The following SLC24A2 variants were observed in gnomAD, a reference collection of about 807,000 sequenced individuals.
SLC24A2 encodes sodium/potassium/calcium exchanger 2.
SLC24A2 carries 36 observed loss-of-function variants against 62.0 expected under a neutral mutation model. That is an observed-to-expected ratio of 0.58 (90% CI 0.44 to 0.77). The LOEUF (loss-of-function observed/expected upper bound fraction) is 0.77, where lower values mean the gene tolerates loss of function less well. SLC24A2 is among the 30% of genes least tolerant of loss of function. SLC24A2 has a pLI of 0.00. For synonymous variants in SLC24A2, 358 were observed against 294.0 expected (o/e 1.22, Z -2.23); for missense variants, 846 against 817.9 (o/e 1.03, Z -0.42).
chr9:19,914,726 A>G, the SLC24A2 span, among the ~76,000 whole-genome samples: 2 of 152,010 alleles, frequency 1.3e-5, no homozygotes, highest in Non-Finnish European at 2.9e-5. Context: ...TCTCGTTTGA[A>G]CCATATAATG....
chr9:19,954,165 T>C, the SLC24A2 span, among the ~76,000 whole-genome samples: 343 of 152,260 alleles, frequency 2.3e-3, 7 homozygotes, highest in East Asian at 0.06. Flanking sequence ...TACATTTGTA[T>C]TTAAACATGA....
At chr9:20,107,507 A>G in the SLC24A2 span, among the ~76,000 whole-genome samples, 2,129 of 152,286 alleles carry the variant, frequency 0.014, 55 homozygotes, top group African/African-American at 0.049. Flanking sequence ...ATATAGATCA[A>G]TGGAACAGAA....
At chr9:19,580,537 AT>A (rs1211780380) in intron 5 of SLC24A2, among the ~76,000 whole-genome samples, 1 of 152,228 alleles carries the variant, frequency 6.6e-6, no homozygotes. Flanking sequence ...AGAACCTGTG[AT>A]TTTTGAAGTG....
rs1166809792 is a variant in SLC24A2 at position 19,512,967 on chromosome 9, T to C, written c.*3186A>G. 1.3e-5 allele frequency: 2 copies of C among 151,902 alleles called. No homozygotes were observed. Among genetic ancestry groups the C allele is most frequent in the East Asian group, 1.9e-4 (1 of 5,148 alleles). 9.4% of individuals were successfully genotyped at this position (151,902 alleles called of 1,614,324 possible). A position where few individuals can be genotyped will look rare whatever the true frequency, so the allele number is the denominator to read the frequency against. ...GTACATATGTGTATATTTGTAAATA[T>C]ATGTGCATGGAACAAACAACCTTAT... On this transcript the variant is annotated 3_prime_UTR_variant, in exon 11 of 11. Coordinates refer to ENST00000341998, the MANE Select transcript of SLC24A2 (RefSeq NM_020344.4).
chr9:20,257,662 G>C, the SLC24A2 span, among the ~76,000 whole-genome samples: 20 of 152,328 alleles, frequency 1.3e-4, no homozygotes, highest in Non-Finnish European at 2.8e-4. Context: ...AACTAGGCCA[G>C]TTTCCTTAAC....
the SLC24A2 span, among the ~76,000 whole-genome samples, chr9:20,217,853 G>A: frequency 6.6e-6 from 1 of 152,124 alleles, no homozygotes; most frequent in African/African-American, 2.4e-5. Flanking sequence ...GTTTGCTTTT[G>A]TATTGCTTTT....
At chr9:19,532,722 A>G (rs1387067629) in intron 8 of SLC24A2, among the ~76,000 whole-genome samples, 1 of 152,188 alleles carries the variant, frequency 6.6e-6, no homozygotes, top group Admixed American at 6.5e-5. Context: ...TGTGGGTGTC[A>G]ATTACTTTAT....
rs1023844537 is a variant in SLC24A2, at chr9:19,761,580, C to T, written c.930+24357G>A. 2.6e-5 allele frequency among the ~76,000 whole-genome samples: 4 copies of T among 151,884 alleles called. No individual in the cohort carries two copies. The East Asian group carries it at 7.7e-4, about 29-fold the overall frequency. ...ATGTGCCATGTTGGTGTGCTGCACC[C>T]ATTAACTTCTCATTTGGCATTAGGT... On this transcript the variant is annotated intron_variant, in intron 2 of 10. Coordinates refer to ENST00000341998, the MANE Select transcript of SLC24A2 (RefSeq NM_020344.4).
At chr9:19,634,360 C>T (rs898351745) in intron 2 of SLC24A2, among the ~76,000 whole-genome samples, 2 of 140,286 alleles carry the variant, frequency 1.4e-5, no homozygotes, top group Admixed American at 1.6e-4. Context: ...GCGATTTCAG[C>T]TCAATGCAAA....
At chr9:19,520,869 C>T in intron 10 of SLC24A2, 25 bp downstream of exon 10, 1 of 1,611,986 alleles carries the variant, frequency 6.2e-7, no homozygotes, top group Non-Finnish European at 8.5e-7. Flanking sequence ...CTGGTGCACA[C>T]CTTTGTAGAA....
intron 2 of SLC24A2, among the ~76,000 whole-genome samples, chr9:19,724,163 T>G (rs1399979607): frequency 3.9e-5 from 6 of 152,178 alleles, no homozygotes; most frequent in Non-Finnish European, 8.8e-5. Flanking sequence ...GGAGAAGAAT[T>G]TAAGAGCAAG....
the SLC24A2 span, among the ~76,000 whole-genome samples, chr9:20,201,697 G>A: frequency 6.6e-6 from 1 of 152,156 alleles, no homozygotes; most frequent in South Asian, 2.1e-4. Flanking sequence ...TTTTTAATTA[G>A]GGTTTTATCA....
chr9:19,910,882 G>A, the SLC24A2 span, among the ~76,000 whole-genome samples: 1 of 59,636 alleles, frequency 1.7e-5, no homozygotes, highest in South Asian at 7.5e-4. Context: ...CAGGCAGTGA[G>A]GTCCTTTTTT....
At chr9:20,131,402 A>G in the SLC24A2 span, among the ~76,000 whole-genome samples, 1 of 152,280 alleles carries the variant, frequency 6.6e-6, no homozygotes, top group Admixed American at 6.5e-5. Context: ...ATTTGAATGC[A>G]GGGATAAGCA....
intron 2 of SLC24A2, among the ~76,000 whole-genome samples, chr9:19,681,196 A>G (rs577836102): frequency 6.6e-6 from 1 of 152,200 alleles, no homozygotes; most frequent in African/African-American, 2.4e-5. Context: ...ATGTCTCTCC[A>G]GCTGGAGAGA....
At chr9:20,179,545 G>C in the SLC24A2 span, among the ~76,000 whole-genome samples, 1 of 152,164 alleles carries the variant, frequency 6.6e-6, no homozygotes. Flanking sequence ...AAGCTAGGGA[G>C]CCCTCCTCCT....
chr9:20,061,891 G>C, the SLC24A2 span, among the ~76,000 whole-genome samples: 6 of 152,102 alleles, frequency 3.9e-5, no homozygotes, highest in Non-Finnish European at 8.8e-5. Flanking sequence ...GAAATGAAAG[G>C]GCAACCCACG....
At chr9:19,911,779 T>C in the SLC24A2 span, among the ~76,000 whole-genome samples, 1 of 152,206 alleles carries the variant, frequency 6.6e-6, no homozygotes, top group Non-Finnish European at 1.5e-5. Context: ...CCTGTGGTTA[T>C]GGGAGACACA....
chr9:19,580,450 A>T (rs1836168337), intron 5 of SLC24A2, among the ~76,000 whole-genome samples: 1 of 152,200 alleles, frequency 6.6e-6, no homozygotes, highest in South Asian at 2.1e-4. Flanking sequence ...ATCACAGGGC[A>T]CCTTTTGAGA....
Sources: gnomAD v4.1 joint callset for allele counts (sites outside exome capture counted in the v4.1 genomes callset) on GRCh38, gnomAD v4.1.1 for gene constraint, MANE v1.5 for transcripts, NCBI Gene and HGNC (gene_info 2026-07-23, HGNC 2026-07-21) for gene names.